The following CHSY3 variants were observed in gnomAD, a reference collection of about 807,000 sequenced individuals.
The protein encoded by CHSY3 is chondroitin sulfate synthase 3.
In CHSY3, 35 loss-of-function variants were observed where a neutral mutation model predicts 67.2. The observed-to-expected ratio is 0.52, with a 90% confidence interval of 0.40 to 0.69. The LOEUF is 0.69. CHSY3 is among the 30% of genes least tolerant of loss of function. The pLI, the probability that CHSY3 is intolerant of heterozygous loss-of-function variation, is 0.00. For missense variants in CHSY3, 1,069 were observed against 1,138.5 expected, an observed-to-expected ratio of 0.94 and a Z score of 0.88; for synonymous variants, 474 against 434.7, an observed-to-expected ratio of 1.09 and a Z score of -1.12.
At chr5:129,978,219 G>A (rs530404105) in intron 2 of CHSY3, among the ~76,000 whole-genome samples, 1 of 151,908 alleles carries the variant, frequency 6.6e-6, no homozygotes, top group Non-Finnish European at 1.5e-5. Flanking sequence ...AAAAAAAGAT[G>A]GTCACAATTC....
At chr5:130,015,751 G>T (rs1215865056) in intron 2 of CHSY3, among the ~76,000 whole-genome samples, 1 of 152,152 alleles carries the variant, frequency 6.6e-6, no homozygotes, top group Non-Finnish European at 1.5e-5. Context: ...CAAAGGAATA[G>T]AAATCATTCT....
At chr5:130,123,187 T>C (rs1457492717) in intron 2 of CHSY3, among the ~76,000 whole-genome samples, 1 of 152,100 alleles carries the variant, frequency 6.6e-6, no homozygotes, top group East Asian at 1.9e-4. Context: ...AAAATAAAAC[T>C]ATAGTAATTT....
At chr5:129,972,602 A>AGTGT (rs150508899) in intron 2 of CHSY3, among the ~76,000 whole-genome samples, 2 of 150,316 alleles carry the variant, frequency 1.3e-5, no homozygotes, top group Non-Finnish European at 3.0e-5. Context: ...TGATCTCTGC[A>AGTGT]GTGTGTGTGT....
In CHSY3 at chr5:130,138,142, A is replaced by T. The variant is rs138397153; in HGVS notation, c.1087-46087A>T. On this transcript the variant is annotated intron_variant, in intron 2 of 2. Coordinates refer to ENST00000305031, the MANE Select transcript of CHSY3 (RefSeq NM_175856.5). Reference sequence around the variant, plus strand: ...CATAGCAATTTTGTAACTCTTGCTTACCAATCCCTGCTACAGATGTTATTT... The same window carrying T: ...CATAGCAATTTTGTAACTCTTGCTTTCCAATCCCTGCTACAGATGTTATTT... Among the ~76,000 whole-genome samples, 13 of 152,340 alleles carry T rather than the reference A, an allele frequency of 8.5e-5. No individual in the cohort carries two copies. The East Asian group carries it at 2.3e-3, about 27-fold the overall frequency.
At chr5:130,057,957 T>C (rs183699336) in intron 2 of CHSY3, among the ~76,000 whole-genome samples, 1 of 152,302 alleles carries the variant, frequency 6.6e-6, no homozygotes, top group Admixed American at 6.5e-5. Context: ...TGTTCAACTT[T>C]CTTCTCAGAT....
At chr5:130,148,309 T>A (rs1214382277) in intron 2 of CHSY3, among the ~76,000 whole-genome samples, 1 of 152,234 alleles carries the variant, frequency 6.6e-6, no homozygotes, top group Non-Finnish European at 1.5e-5. Flanking sequence ...TTATAGGCAC[T>A]TAGGATTGAT....
rs1460514014 is a variant in CHSY3 at position 130,070,112 on chromosome 5, T to C, written c.1087-114117T>C. 3.9e-5 allele frequency among the ~76,000 whole-genome samples: 6 copies of C among 152,004 alleles called. No individual in the cohort carries two copies. The South Asian group carries it at 8.3e-4, about 21-fold the overall frequency. On this transcript the variant is annotated intron_variant, in intron 2 of 2. Transcript: ENST00000305031. ...ACAATAGACATAATGAAAAATCAGA[T>C]CTTATAGCTGTTTTACAAACACAGT... is the stretch of plus-strand genomic sequence containing the variant.
chr5:130,017,131 CTTTATAGTGG>C (rs1160804319), intron 2 of CHSY3, among the ~76,000 whole-genome samples: 1 of 151,730 alleles, frequency 6.6e-6, no homozygotes, highest in Non-Finnish European at 1.5e-5. Flanking sequence ...AAATTAGTTT[CTTTATAGTGG>C]TTTGAAGTGC....
Position 129,966,390 on chromosome 5 carries a change from TCTCTAA to T in CHSY3, c.1086+58033_1086+58038del, listed in dbSNP as rs1303246986. Among the ~76,000 whole-genome samples, 6 of 151,950 alleles carry T rather than the reference TCTCTAA, an allele frequency of 3.9e-5. No homozygotes were observed. The East Asian group carries it at 1.2e-3, about 30-fold the overall frequency. ...GCACTGCACAAGTGTGAACCTGGGC[TCTCTAA>T]CTACTTGCCAGATAACCGTTATCTC... On this transcript the variant is annotated intron_variant, in intron 2 of 2. Coordinates refer to ENST00000305031, the MANE Select transcript of CHSY3 (RefSeq NM_175856.5).
intron 2 of CHSY3, among the ~76,000 whole-genome samples, chr5:129,927,628 C>T (rs920784133): frequency 4.0e-5 from 6 of 151,750 alleles, no homozygotes; most frequent in African/African-American, 1.2e-4. Context: ...AAATGCATTT[C>T]GTTGTATTTC....
chr5:129,927,500 A>C (rs1761156208), intron 2 of CHSY3, among the ~76,000 whole-genome samples: 1 of 152,046 alleles, frequency 6.6e-6, no homozygotes, highest in African/African-American at 2.4e-5. Context: ...TATCCATTTC[A>C]TCAAGTATGT....
chr5:130,037,652 C>A (rs913390728), intron 2 of CHSY3, among the ~76,000 whole-genome samples: 1 of 152,056 alleles, frequency 6.6e-6, no homozygotes, highest in African/African-American at 2.4e-5. Flanking sequence ...CCTTTTACCC[C>A]ATAATTTACT....
intron 2 of CHSY3, among the ~76,000 whole-genome samples, chr5:130,105,278 C>T (rs1767378680): frequency 6.6e-6 from 1 of 151,638 alleles, no homozygotes; most frequent in Non-Finnish European, 1.5e-5. Context: ...GTTTGATTTT[C>T]AATATCTAAT....
intron 2 of CHSY3, among the ~76,000 whole-genome samples, chr5:129,994,168 G>A (rs1270106676): frequency 1.3e-5 from 2 of 152,002 alleles, no homozygotes; most frequent in Non-Finnish European, 2.9e-5. Flanking sequence ...TTCAACTTTG[G>A]TGAATGTGAC....
chr5:129,951,856 G>T (rs1300538292), intron 2 of CHSY3, among the ~76,000 whole-genome samples: 1 of 152,032 alleles, frequency 6.6e-6, no homozygotes, highest in East Asian at 1.9e-4. Flanking sequence ...TATCTGTTTT[G>T]GCAAACAATG....
intron 2 of CHSY3, among the ~76,000 whole-genome samples, chr5:129,937,213 G>T (rs2149592133): frequency 6.6e-6 from 1 of 152,294 alleles, no homozygotes; most frequent in South Asian, 2.1e-4. Flanking sequence ...TTCTGCTTCT[G>T]CAGAGCCCTC....
intron 2 of CHSY3, among the ~76,000 whole-genome samples, chr5:130,032,418 G>C (rs1764728514): frequency 6.6e-6 from 1 of 152,162 alleles, no homozygotes; most frequent in African/African-American, 2.4e-5. Context: ...CTTTGGCAGA[G>C]ACACATTATA....
At chr5:130,087,582 CAGAG>C (rs1766696267) in intron 2 of CHSY3, among the ~76,000 whole-genome samples, 1 of 151,502 alleles carries the variant, frequency 6.6e-6, no homozygotes, top group Non-Finnish European at 1.5e-5. Context: ...AACAGACAAA[CAGAG>C]AGCCAAATCA....
chr5:129,936,594 G>T (rs1761500897), intron 2 of CHSY3, among the ~76,000 whole-genome samples: 1 of 152,126 alleles, frequency 6.6e-6, no homozygotes, highest in African/African-American at 2.4e-5. Context: ...TGGGCAGCTG[G>T]GTCTGATGTG....
Sources: gnomAD v4.1 joint callset for allele counts (sites outside exome capture counted in the v4.1 genomes callset) on GRCh38, gnomAD v4.1.1 for gene constraint, MANE v1.5 for transcripts, NCBI Gene and HGNC (gene_info 2026-07-23, HGNC 2026-07-21) for gene names.